Variants in ADARB2 observed in about 807,000 individuals in gnomAD.
ADARB2 encodes the protein adenosine deaminase RNA specific B2 (inactive).
Under a neutral mutation model 62.2 loss-of-function variants are expected in ADARB2, and 25 were observed. That is an observed-to-expected ratio of 0.40 (90% CI 0.29 to 0.56). The LOEUF (loss-of-function observed/expected upper bound fraction) is 0.56. Among genes scored for constraint, ADARB2 ranks in the 20% least tolerant of loss-of-function variants. The pLI is 0.43. For synonymous variants in ADARB2, 572 were observed against 500.8 expected, an observed-to-expected ratio of 1.14 and a Z score of -1.90; for missense variants, 1,071 against 1,077.4, an observed-to-expected ratio of 0.99 and a Z score of 0.08.
chr10:1,209,299 C>G (rs972285149), intron 7 of ADARB2, among the ~76,000 whole-genome samples: 1 of 151,790 alleles, frequency 6.6e-6, no homozygotes, highest in Non-Finnish European at 1.5e-5. Context: ...TCACCCATGC[C>G]CACACCTACA....
chr10:1,326,004 C>T (rs1831841372), intron 3 of ADARB2, among the ~76,000 whole-genome samples: 3 of 152,174 alleles, frequency 2.0e-5, no homozygotes, highest in African/African-American at 7.2e-5. Flanking sequence ...AACTCTCTCA[C>T]AGGAAACCAT....
intron 1 of ADARB2, among the ~76,000 whole-genome samples, chr10:1,475,943 G>T (rs1440907444): frequency 2.6e-5 from 4 of 152,186 alleles, no homozygotes; most frequent in Admixed American, 2.6e-4. Flanking sequence ...GTTTCACCGA[G>T]TCTAGATGGC....
chr10:1,362,275 C>T (rs1445466715), intron 3 of ADARB2, among the ~76,000 whole-genome samples: 1 of 152,238 alleles, frequency 6.6e-6, no homozygotes, highest in Non-Finnish European at 1.5e-5. Context: ...GCTCTTGGGC[C>T]CCTGTGCTCA....
chr10:1,546,961 G>C (rs1165825335), intron 1 of ADARB2, among the ~76,000 whole-genome samples: 7 of 152,372 alleles, frequency 4.6e-5, no homozygotes. Flanking sequence ...TGGGGAAAGG[G>C]TGAACAACCC....
chr10:1,409,278 G>C (rs927909687), intron 1 of ADARB2, among the ~76,000 whole-genome samples: 23 of 141,878 alleles, frequency 1.6e-4, no homozygotes, highest in Non-Finnish European at 3.2e-4. Flanking sequence ...CCTGCCTGAC[G>C]GCGGGCTCCC....
chr10:1,460,667 G>C (rs531665683), intron 1 of ADARB2, among the ~76,000 whole-genome samples: 1 of 128,282 alleles, frequency 7.8e-6, no homozygotes, highest in Non-Finnish European at 1.7e-5. Flanking sequence ...TAACGAACCT[G>C]CCTGTGACCT....
At chr10:1,496,968 C>T (rs1831700959) in intron 1 of ADARB2, among the ~76,000 whole-genome samples, 1 of 152,154 alleles carries the variant, frequency 6.6e-6, no homozygotes, top group Admixed American at 6.5e-5. Context: ...ATTTATAGCA[C>T]CATGACCCAG....
intron 3 of ADARB2, among the ~76,000 whole-genome samples, chr10:1,286,023 G>A (rs1449493357): frequency 1.7e-4 from 25 of 150,944 alleles, no homozygotes; most frequent in Non-Finnish European, 3.0e-4. Flanking sequence ...CCGTTGCCCC[G>A]AGTCCCCAGG....
At chr10:1,571,634 GCAGGTGAGTATGCAGGTGAGTGGA>G (rs1365507569) in intron 1 of ADARB2, among the ~76,000 whole-genome samples, 1 of 152,160 alleles carries the variant, frequency 6.6e-6, no homozygotes, top group Non-Finnish European at 1.5e-5. Flanking sequence ...AGGCGAGCAG[GCAGGTGAGTATGCAGGTGAGTGGA>G]CAGGTGAGTG....
At chr10:1,721,345 A>C (rs1835090144) in intron 1 of ADARB2, among the ~76,000 whole-genome samples, 1 of 152,244 alleles carries the variant, frequency 6.6e-6, no homozygotes, top group African/African-American at 2.4e-5. Flanking sequence ...GTTGACATAA[A>C]ATAATTCAGA....
At chr10:1,651,042 G>T (rs1276913834) in intron 1 of ADARB2, among the ~76,000 whole-genome samples, 1 of 152,168 alleles carries the variant, frequency 6.6e-6, no homozygotes, top group East Asian at 1.9e-4. Flanking sequence ...AACACACAAC[G>T]CTTCAGATGT....
At chr10:1,201,244 C>T (rs929301561) in intron 7 of ADARB2, among the ~76,000 whole-genome samples, 21 of 152,312 alleles carry the variant, frequency 1.4e-4, no homozygotes, top group African/African-American at 3.8e-4. Flanking sequence ...TTCGGGGAGC[C>T]GCTCTCCCTC....
chr10:1,311,704 A>C (rs1012108182), intron 3 of ADARB2, among the ~76,000 whole-genome samples: 2 of 152,140 alleles, frequency 1.3e-5, no homozygotes, highest in Non-Finnish European at 2.9e-5. Context: ...GGTTCCAGCA[A>C]AGACCTTGCT....
chr10:1,424,602 G>A (rs1832879959), intron 1 of ADARB2, among the ~76,000 whole-genome samples: 1 of 152,126 alleles, frequency 6.6e-6, no homozygotes, highest in Admixed American at 6.5e-5. Flanking sequence ...AGTGCCCACG[G>A]AAGCTTGGTG....
At chr10:1,321,756 A>G (rs1831797315) in intron 3 of ADARB2, among the ~76,000 whole-genome samples, 1 of 152,210 alleles carries the variant, frequency 6.6e-6, no homozygotes, top group Non-Finnish European at 1.5e-5. Context: ...TTTCCCAGCT[A>G]CGAGGGCTTT....
At chr10:1,690,249 T>A (rs1293099185) in intron 1 of ADARB2, among the ~76,000 whole-genome samples, 2 of 152,246 alleles carry the variant, frequency 1.3e-5, no homozygotes, top group Admixed American at 6.5e-5. Flanking sequence ...GATATTTTCT[T>A]GCACAAGACA....
chr10:1,292,397 T>C (rs997338028), intron 3 of ADARB2: 1 of 152,256 alleles, frequency 6.6e-6, no homozygotes, highest in African/African-American at 2.4e-5. Context: ...GAAGCCTTTT[T>C]ATCCCCCTCA....
intron 1 of ADARB2, among the ~76,000 whole-genome samples, chr10:1,646,148 C>T (rs1435894171): frequency 6.6e-6 from 1 of 152,094 alleles, no homozygotes; most frequent in Non-Finnish European, 1.5e-5. Flanking sequence ...AGCTTAAAAC[C>T]CCTGAGGGAT....
chr10:1,280,449 TCTC>T (rs1278404581), intron 3 of ADARB2, among the ~76,000 whole-genome samples: 28 of 152,134 alleles, frequency 1.8e-4, no homozygotes, highest in Non-Finnish European at 3.5e-4. Context: ...ACACATGACA[TCTC>T]CTTGCTTCCA....
Sources: gnomAD v4.1 joint callset for allele counts (sites outside exome capture counted in the v4.1 genomes callset) on GRCh38, gnomAD v4.1.1 for gene constraint, MANE v1.5 for transcripts, NCBI Gene and HGNC (gene_info 2026-07-23, HGNC 2026-07-21) for gene names.